The following ABI1 variants were observed in gnomAD, a reference collection of about 807,000 sequenced individuals.
The protein encoded by ABI1 is abl interactor 1.
Under a neutral mutation model 54.6 loss-of-function variants are expected in ABI1, and 14 were observed. That is an observed-to-expected ratio of 0.26 (90% CI 0.17 to 0.40). ABI1 has a LOEUF of 0.40. ABI1 is among the 10% of genes least tolerant of loss of function. The pLI, the probability that ABI1 is intolerant of heterozygous loss-of-function variation, is 1.00. For synonymous variants in ABI1, 194 were observed against 209.3 expected (o/e 0.93, Z 0.63); for missense variants, 443 against 598.3 (o/e 0.74, Z 2.71).
intron 7 of ABI1, among the ~76,000 whole-genome samples, chr10:26,760,508 T>C (rs1490041748): frequency 1.3e-5 from 2 of 152,208 alleles, no homozygotes; most frequent in Admixed American, 6.5e-5. Context: ...ATTTTCTAAA[T>C]AGAAACAGTT....
At chr10:26,809,268 CAA>C (rs201796012) in intron 2 of ABI1, among the ~76,000 whole-genome samples, 19 of 133,668 alleles carry the variant, frequency 1.4e-4, no homozygotes, top group African/African-American at 2.2e-4. Flanking sequence ...AGACTTATCT[CAA>C]AAAAAAAAAA....
intron 8 of ABI1, among the ~76,000 whole-genome samples, chr10:26,756,881 A>G (rs1265945655): frequency 6.6e-6 from 1 of 152,160 alleles, no homozygotes; most frequent in Non-Finnish European, 1.5e-5. Flanking sequence ...ATTTGAAAGA[A>G]GTTCAGTGTT....
intron 2 of ABI1, among the ~76,000 whole-genome samples, chr10:26,811,733 A>G (rs1460781580): frequency 8.7e-5 from 1 of 11,558 alleles, no homozygotes; most frequent in Non-Finnish European, 3.9e-4. Context: ...AAAGATTTGT[A>G]TAAATTTGTA....
intron 1 of ABI1, among the ~76,000 whole-genome samples, chr10:26,859,583 T>TA (rs1311927762): frequency 2.6e-5 from 4 of 152,226 alleles, no homozygotes; most frequent in Non-Finnish European, 5.9e-5. Context: ...TTTACACAGT[T>TA]AAAGATCTTC....
In ABI1 at chr10:26,770,233, T is replaced by C; in HGVS notation, c.578+12A>G. Reference sequence around the variant, plus strand: ...ATATGAATTCTTTTGCAAAATGTAGTTGAATTCTTACCCCAGTGTTCCCCG... The same window carrying C: ...ATATGAATTCTTTTGCAAAATGTAGCTGAATTCTTACCCCAGTGTTCCCCG... On this transcript the variant is annotated intron_variant, in intron 5 of 10. Transcript: ENST00000376140. The C allele has an allele frequency of 6.2e-7, 1 of 1,608,842 alleles. No homozygotes were observed. Among genetic ancestry groups the C allele is most frequent in the Non-Finnish European group, 8.5e-7 (1 of 1,175,256 alleles).
intron 2 of ABI1, among the ~76,000 whole-genome samples, chr10:26,781,857 G>C (rs1842154980): frequency 6.6e-6 from 1 of 152,188 alleles, no homozygotes; most frequent in Admixed American, 6.5e-5. Flanking sequence ...GCACGGTTAA[G>C]ACTGCTACCA....
intron 2 of ABI1, among the ~76,000 whole-genome samples, chr10:26,798,173 T>C (rs1322766149): frequency 1.3e-5 from 2 of 152,174 alleles, no homozygotes; most frequent in Non-Finnish European, 2.9e-5. Context: ...GCAAAGGAGC[T>C]TGTACTTTTA....
chr10:26,790,065 C>T (rs1443804860), intron 2 of ABI1, among the ~76,000 whole-genome samples: 1 of 152,182 alleles, frequency 6.6e-6, no homozygotes, highest in Non-Finnish European at 1.5e-5. Context: ...TCCGTCTTTG[C>T]TATTGTGAAT....
At chr10:26,770,396 G>T in intron 4 of ABI1, 51 bp from the exon 5 acceptor site, 1 of 1,471,194 alleles carries the variant, frequency 6.8e-7, no homozygotes, top group South Asian at 1.1e-5. Flanking sequence ...TGTTCTCCTG[G>T]TGTTTTAACA....
chr10:26,803,113 G>A (rs886399489), intron 2 of ABI1, among the ~76,000 whole-genome samples: 18 of 152,140 alleles, frequency 1.2e-4, no homozygotes, highest in African/African-American at 4.1e-4. Context: ...CAAGAGTTAG[G>A]CAGAAGAAAT....
At chr10:26,798,682 G>T (rs1588910121) in intron 2 of ABI1, among the ~76,000 whole-genome samples, 1 of 152,084 alleles carries the variant, frequency 6.6e-6, no homozygotes, top group South Asian at 2.1e-4. Flanking sequence ...ACTGAGGTGG[G>T]GTTGGGGAAT....
intron 3 of ABI1, among the ~76,000 whole-genome samples, chr10:26,775,024 G>A (rs190872045): frequency 5.2e-4 from 79 of 152,092 alleles, no homozygotes; most frequent in East Asian, 2.1e-3. Flanking sequence ...AAAATAATTC[G>A]AAAGCTGTAA....
chr10:26,779,874 C>T (rs577269258), intron 2 of ABI1, among the ~76,000 whole-genome samples: 1 of 152,230 alleles, frequency 6.6e-6, no homozygotes, highest in Admixed American at 6.5e-5. Context: ...TCTACAGACT[C>T]CTACTGTACT....
rs1394748594 is a variant in ABI1, at chr10:26,777,169, T to C, written c.358A>G (p.Arg120Gly). 1 of 1,613,952 alleles carries C rather than the reference T, an allele frequency of 6.2e-7. No homozygotes were observed. The highest frequency in any genetic ancestry group is 8.5e-7 in the Non-Finnish European group (1 of 1,179,878). Reference sequence around the variant, plus strand: ...GCAGGTGCTATTATTTTGTGAGTTCTTGATGTATTCTTATTTGTTGTCAAA... The same window carrying C: ...GCAGGTGCTATTATTTTGTGAGTTCCTGATGTATTCTTATTTGTTGTCAAA... ...GILTTNKNTS[R>G]THKIIAPANM... The change falls in exon 3 of 11, where the codon AGA becomes GGA. Residue 120 changes from arginine to glycine, a missense_variant. By Grantham distance (125) the Arg-to-Gly change is moderately radical (BLOSUM62 -2). Coordinates refer to ENST00000376140, the MANE Select transcript of ABI1 (RefSeq NM_001012750.3).
At chr10:26,774,813 TAATA>T (rs1351916440) in intron 3 of ABI1, among the ~76,000 whole-genome samples, 2 of 151,850 alleles carry the variant, frequency 1.3e-5, no homozygotes, top group African/African-American at 4.8e-5. Context: ...AGAAAAATAT[TAATA>T]TATTTAGATA....
At chr10:26,761,515 T>C (rs997036432) in intron 7 of ABI1, among the ~76,000 whole-genome samples, 3 of 149,684 alleles carry the variant, frequency 2.0e-5, no homozygotes, top group African/African-American at 7.4e-5. Flanking sequence ...AGAAATCGAA[T>C]ATTAACAAGA....
chr10:26,808,956 T>C lies in ABI1; in HGVS notation c.285+14182A>G, dbSNP rs1005939483. On this transcript the variant is annotated intron_variant, in intron 2 of 10. Transcript: ENST00000376140. ...GTACAAAGTATTGCTGCCAATTTTA[T>C]TGGCCAATAAGGACATTTAAAAAAA... 4.6e-5 allele frequency among the ~76,000 whole-genome samples: 7 copies of C among 151,594 alleles called. No homozygotes were observed. The Middle Eastern group carries it at 0.01, about 224-fold the overall frequency.
intron 3 of ABI1, among the ~76,000 whole-genome samples, chr10:26,773,664 G>A (rs777810448): frequency 6.6e-5 from 10 of 152,056 alleles, no homozygotes; most frequent in Non-Finnish European, 1.0e-4. Context: ...AGGCTGAGAC[G>A]GCTCCAGCAT....
intron 3 of ABI1, among the ~76,000 whole-genome samples, chr10:26,775,050 C>A (rs988322642): frequency 7.9e-5 from 12 of 152,082 alleles, no homozygotes; most frequent in African/African-American, 2.9e-4. Flanking sequence ...GTCTCACTAT[C>A]CTCAAAACAC....
Sources: gnomAD v4.1 joint callset for allele counts (sites outside exome capture counted in the v4.1 genomes callset) on GRCh38, gnomAD v4.1.1 for gene constraint, MANE v1.5 for transcripts, NCBI Gene and HGNC (gene_info 2026-07-23, HGNC 2026-07-21) for gene names.